Variants in PARP14 observed in about 807,000 individuals in gnomAD.
PARP14 encodes protein mono-ADP-ribosyltransferase PARP14.
A neutral mutation model predicts 154.2 loss-of-function variants in PARP14; 59 were observed. The observed-to-expected ratio is 0.38, with a 90% CI of 0.31 to 0.48. The LOEUF is 0.48. Among genes scored for constraint, PARP14 ranks in the 20% least tolerant of loss-of-function variants. PARP14 has a pLI of 0.98. For missense variants in PARP14, 1,734 were observed against 2,131.6 expected, an observed-to-expected ratio of 0.81 and a Z score of 3.67; for synonymous variants, 720 against 780.5, an observed-to-expected ratio of 0.92 and a Z score of 1.29.
At chr3:122,692,606 C>T (rs1938577468) in intron 4 of PARP14, 63 bp downstream of exon 4, 1 of 1,387,930 alleles carries the variant, frequency 7.2e-7, no homozygotes, top group Non-Finnish European at 9.9e-7. Context: ...ACTTGAGATA[C>T]CTCTTAGGGG....
At chr3:122,727,386 G>A (rs991782326) in intron 15 of PARP14, among the ~76,000 whole-genome samples, 19 of 152,200 alleles carry the variant, frequency 1.2e-4, no homozygotes, top group African/African-American at 4.1e-4. Context: ...TAGATATTCT[G>A]TTGCTTCTCT....
In PARP14 at chr3:122,703,728, G is replaced by A. The variant is rs760796318; in HGVS notation, c.3082-14G>A. 6.5e-7 allele frequency: 1 copy of A among 1,528,294 alleles called. No individual in the cohort carries two copies. Among genetic ancestry groups the A allele is most frequent in the South Asian group, 1.2e-5 (1 of 81,492 alleles). 94.7% of individuals were successfully genotyped at this position (1,528,294 alleles called of 1,614,324 possible). ...TGTTAAAATTTGAAACAAATTTTTGGTTTTGTCTTTAAGACCGATGTTGTT... is the reference window on the plus strand; with the variant it reads ...TGTTAAAATTTGAAACAAATTTTTGATTTTGTCTTTAAGACCGATGTTGTT... On this transcript the variant is annotated splice_polypyrimidine_tract_variant and intron_variant, in intron 6 of 16. Transcript: ENST00000474629.
In PARP14 at chr3:122,701,191, T is replaced by C. The variant is rs762535746; in HGVS notation, c.2637T>C (p.His879=). ...AGCTGCCCTACCACCACGTGATCCA[T>C]GCAGTGGGGCCCCGCTGGAGCGGAT... ...AGKLPYHHVI[H]AVGPRWSGYE... Residue 879 remains histidine (H), a synonymous_variant, in exon 6 of 17, where the codon CAT becomes CAC. Transcript: ENST00000474629. This position sits in a 1 kb window ranked among gnomAD's most constrained non-coding sequence, Gnocchi z 4.0. 1 of 1,613,436 alleles carries C rather than the reference T, an allele frequency of 6.2e-7. No homozygotes were observed. The highest frequency in any genetic ancestry group is 1.1e-5 in the South Asian group (1 of 91,040).
chr3:122,717,896 C>T (rs1029975008), intron 12 of PARP14, among the ~76,000 whole-genome samples, 175 bp from the exon 13 acceptor site: 1 of 152,194 alleles, frequency 6.6e-6, no homozygotes, highest in Non-Finnish European at 1.5e-5. Flanking sequence ...AAAAACACTT[C>T]ATTGCATCTA....
chr3:122,696,815 T>G (rs907595422), intron 5 of PARP14, among the ~76,000 whole-genome samples: 2 of 152,204 alleles, frequency 1.3e-5, no homozygotes, highest in Non-Finnish European at 2.9e-5. Context: ...AAGGTTCCCT[T>G]TCTCCCTGAT....
chr3:122,707,609 C>T (rs1240101747), intron 8 of PARP14, among the ~76,000 whole-genome samples: 2 of 151,966 alleles, frequency 1.3e-5, no homozygotes, highest in South Asian at 4.2e-4. Context: ...CCTGTTTCTA[C>T]AAAAAACAAA....
chr3:122,724,646 T>G (rs886143192), intron 15 of PARP14, among the ~76,000 whole-genome samples: 1 of 139,448 alleles, frequency 7.2e-6, no homozygotes. Context: ...GAAAAAAAAA[T>G]TTTTTTTTTT....
In PARP14 at chr3:122,681,889, C is replaced by G. The variant is rs1020208951; in HGVS notation, c.187+819C>G. On this transcript the variant is annotated intron_variant, in intron 1 of 16. Coordinates refer to ENST00000474629, the MANE Select transcript of PARP14 (RefSeq NM_017554.3). This position sits in a 1 kb window ranked among gnomAD's most constrained non-coding sequence, Gnocchi z 5.5. Reference sequence around the variant, plus strand: ...AGTGACCTGCAGCTCCCAGAATGGGCACCTTTTCCACTGGCATCTTATGGA... The same window carrying G: ...AGTGACCTGCAGCTCCCAGAATGGGGACCTTTTCCACTGGCATCTTATGGA... 6.6e-6 allele frequency among the ~76,000 whole-genome samples: 1 copy of G among 152,208 alleles called. No individual in the cohort carries two copies. Among genetic ancestry groups the G allele is most frequent in the African/African-American group, 2.4e-5 (1 of 41,450 alleles).
Position 122,718,891 on chromosome 3 carries a change from G to T in PARP14, c.4740G>T (p.Leu1580Phe). The T allele has an allele frequency of 6.2e-7, 1 of 1,613,754 alleles. No individual in the cohort carries two copies. Among genetic ancestry groups the T allele is most frequent in the African/African-American group, 1.3e-5 (1 of 75,050 alleles). The part of the protein sequence containing the change: ...KINHRHYTVN[L>F]NTYTATDTKG... ...ATCATCGGCACTACACAGTGAACTTGAACACATACACTGCCACAGACACAA... is the reference window on the plus strand; with the variant it reads ...ATCATCGGCACTACACAGTGAACTTTAACACATACACTGCCACAGACACAA... The change falls in exon 14 of 17, where the codon TTG becomes TTT. Residue 1580 changes from leucine to phenylalanine, a missense_variant. By Grantham distance (22) the Leu-to-Phe change is conservative. This residue lies in a region of PARP14 where 1,646 missense variants were observed against 1,976.0 expected (regional missense o/e 0.83). Coordinates refer to ENST00000474629, the MANE Select transcript of PARP14 (RefSeq NM_017554.3).
intron 9 of PARP14, among the ~76,000 whole-genome samples, chr3:122,711,543 G>GT (rs915361939): frequency 2.5e-4 from 38 of 151,244 alleles, no homozygotes; most frequent in East Asian, 1.4e-3. Context: ...TTGGTCTGTA[G>GT]TTTTTTTTTG....
rs1413927646 is a variant in PARP14 at position 122,718,640 on chromosome 3, G to A, written c.4489G>A (p.Val1497Ile). Residue 1497 changes from valine (V) to isoleucine (I), a missense_variant, in exon 14 of 17, where the codon GTT becomes ATT. By Grantham distance (29) the Val-to-Ile change is conservative. Coordinates refer to ENST00000474629, the MANE Select transcript of PARP14 (RefSeq NM_017554.3). ...SLDHKRPLIKVLGISRDVMQA... is the reference protein window; with the variant it reads ...SLDHKRPLIKILGISRDVMQA... ...GGACCATAAGAGACCTTTGATTAAG[G>A]TTTTGGGAATTAGCAGAGATGTGAT... The A allele has an allele frequency of 1.9e-6, 3 of 1,613,916 alleles. No homozygotes were observed. The highest frequency in any genetic ancestry group is 2.5e-6 in the Non-Finnish European group (3 of 1,179,852).
chr3:122,726,996 G>GGAA (rs1553749618), intron 15 of PARP14, among the ~76,000 whole-genome samples: 2 of 139,066 alleles, frequency 1.4e-5, no homozygotes, highest in Admixed American at 7.5e-5. Flanking sequence ...ACCCAAAACT[G>GGAA]GAAAAAAAAA....
chr3:122,717,128 G>T (rs933438162), intron 12 of PARP14, among the ~76,000 whole-genome samples: 1 of 152,166 alleles, frequency 6.6e-6, no homozygotes, highest in Non-Finnish European at 1.5e-5. Context: ...TTTTATGTGG[G>T]GTTGTCTACA....
intron 15 of PARP14, chr3:122,720,888 C>T (rs1933150246): frequency 2.2e-6 from 1 of 456,564 alleles, no homozygotes; most frequent in Non-Finnish European, 4.4e-6. Context: ...GGAAGGATTG[C>T]ATGAGCCCAG....
At chr3:122,717,904 C>T (rs954771434) in intron 12 of PARP14, among the ~76,000 whole-genome samples, 167 bp from the exon 13 acceptor site, 4 of 152,200 alleles carry the variant, frequency 2.6e-5, no homozygotes, top group African/African-American at 9.7e-5. Flanking sequence ...TTCATTGCAT[C>T]TAGGACTTCA....
chr3:122,685,055 C>T (rs1576578606), intron 1 of PARP14, 130 bp from the exon 2 acceptor site: 1 of 900,694 alleles, frequency 1.1e-6, no homozygotes, highest in Non-Finnish European at 1.7e-6. Flanking sequence ...TTTTACTTCA[C>T]ATATAGCCTC....
In PARP14 at chr3:122,700,062, G is replaced by T; in HGVS notation, c.1508G>T (p.Arg503Ile). ...ECPEIEICYD[R>I]VTQHLCLKGP... is the part of the protein sequence containing the mutation. ...CCAGAGATAGAGATTTGTTACGATA[G>T]AGTCACTCAACACTTGTGCTTGAAA... The change falls in exon 6 of 17, where the codon AGA (arginine) becomes ATA (isoleucine). Residue 503 changes from arginine to isoleucine, a missense_variant. Arg to Ile is a moderately conservative substitution (Grantham distance 97). Transcript: ENST00000474629. The T allele has an allele frequency of 6.2e-7, 1 of 1,613,920 alleles. No individual in the cohort carries two copies. The highest frequency in any genetic ancestry group is 1.1e-5 in the South Asian group (1 of 91,054).
rs746112713 is a variant in PARP14, at chr3:122,700,869, A to G, written c.2315A>G (p.Tyr772Cys). 1 of 1,614,046 alleles carries G rather than the reference A, an allele frequency of 6.2e-7. No homozygotes were observed. The highest frequency in any genetic ancestry group is 8.5e-7 in the Non-Finnish European group (1 of 1,179,904). ...GAGATCAAACGGTTGTTTGGTTGTT[A>G]CATTGAACTACAGGAGAATGAAGTA... Reference protein sequence around the residue: ...QSEIKRLFGCYIELQENEVMK... With the variant: ...QSEIKRLFGCCIELQENEVMK... The change falls in exon 6 of 17, where the codon TAC becomes TGC. Residue 772 changes from tyrosine to cysteine, a missense_variant. By Grantham distance (194) the Tyr-to-Cys change is radical. Coordinates refer to ENST00000474629, the MANE Select transcript of PARP14 (RefSeq NM_017554.3).
At chr3:122,709,891 TG>T (rs1279447814) in intron 9 of PARP14, among the ~76,000 whole-genome samples, 2 of 95,968 alleles carry the variant, frequency 2.1e-5, no homozygotes, top group East Asian at 4.8e-4. Context: ...TGGGATTATT[TG>T]TTTTTTTTTT....
Sources: gnomAD v4.1 joint callset for allele counts (sites outside exome capture counted in the v4.1 genomes callset) on GRCh38, gnomAD v4.1.1 for gene constraint, gnomAD v4.1.1 regional missense constraint, Gnocchi (gnomAD v3.1) non-coding constraint, MANE v1.5 for transcripts, NCBI Gene and HGNC (gene_info 2026-07-23, HGNC 2026-07-21) for gene names.